The following ANXA8 variants were observed in gnomAD, a reference collection of about 807,000 sequenced individuals.
ANXA8 encodes VAC-beta.
A neutral mutation model predicts 26.8 loss-of-function variants in ANXA8; 9 were observed. The observed-to-expected ratio is 0.34, with a 90% CI of 0.20 to 0.59. The LOEUF (loss-of-function observed/expected upper bound fraction) is 0.59, where lower values mean the gene tolerates loss of function less well. Among genes scored for constraint, ANXA8 ranks in the 20% least tolerant of loss-of-function variants. ANXA8 has a pLI of 0.84. For missense variants in ANXA8, 83 were observed against 238.5 expected, an observed-to-expected ratio of 0.35 and a Z score of 4.29; for synonymous variants, 39 against 94.8, an observed-to-expected ratio of 0.41 and a Z score of 3.42.
the ANXA8 span, among the ~76,000 whole-genome samples, chr10:47,702,402 G>A: frequency 9.3e-5 from 14 of 150,050 alleles, 1 homozygote; most frequent in Admixed American, 4.0e-4. Context: ...GTGCAGTGGC[G>A]TGATCTTGGC....
the ANXA8 span, among the ~76,000 whole-genome samples, chr10:47,705,635 A>G: frequency 1.3e-5 from 2 of 150,530 alleles, no homozygotes; most frequent in East Asian, 2.0e-4. Context: ...TGAACTAATT[A>G]GATAATCTTT....
At chr10:47,723,190 G>A in the ANXA8 span, among the ~76,000 whole-genome samples, 2 of 72,344 alleles carry the variant, frequency 2.8e-5, no homozygotes. Flanking sequence ...ACCCTGTTTT[G>A]TTTTTCCTTC....
the ANXA8 span, among the ~76,000 whole-genome samples, chr10:47,526,424 G>A: frequency 2.9e-5 from 4 of 136,368 alleles, no homozygotes; most frequent in Non-Finnish European, 4.6e-5. Context: ...TTTTTTTGAT[G>A]TGGATTTTAA....
the ANXA8 span, among the ~76,000 whole-genome samples, chr10:47,686,835 A>C: frequency 1.3e-5 from 2 of 151,876 alleles, no homozygotes; most frequent in Non-Finnish European, 2.9e-5. Context: ...TTCCATAGTG[A>C]AAACTTTTAT....
At chr10:47,709,651 G>T in the ANXA8 span, among the ~76,000 whole-genome samples, 11 of 127,714 alleles carry the variant, frequency 8.6e-5, no homozygotes, top group African/African-American at 3.7e-4. Flanking sequence ...GCAGCACTGT[G>T]AATCTATAGT....
chr10:47,763,847 C>T, the ANXA8 span, among the ~76,000 whole-genome samples: 3 of 151,028 alleles, frequency 2.0e-5, no homozygotes, highest in Non-Finnish European at 4.4e-5. Flanking sequence ...TGGACCTTCT[C>T]GTTTTACAGC....
the ANXA8 span, among the ~76,000 whole-genome samples, chr10:47,707,826 G>T: frequency 1.5e-5 from 2 of 131,574 alleles, no homozygotes; most frequent in African/African-American, 5.1e-5. Context: ...TCTCAAAGAA[G>T]TTAAAACTGA....
At chr10:47,513,191 C>T in the ANXA8 span, among the ~76,000 whole-genome samples, 6 of 149,584 alleles carry the variant, frequency 4.0e-5, no homozygotes, top group Non-Finnish European at 3.0e-5. Flanking sequence ...AGCGCCACCA[C>T]GCCCGGCTAA....
chr10:47,523,535 TCTA>T, the ANXA8 span: 1 of 1,495,346 alleles, frequency 6.7e-7, no homozygotes, highest in African/African-American at 1.6e-5. Flanking sequence ...ATGGGGCGCC[TCTA>T]CTGTCTGCCA....
chr10:47,975,178 C>G, the ANXA8 span, among the ~76,000 whole-genome samples: 171 of 148,632 alleles, frequency 1.2e-3, 2 homozygotes, highest in African/African-American at 3.8e-3. Flanking sequence ...TAGAAAGTAT[C>G]TTTTGAATTC....
the ANXA8 span, among the ~76,000 whole-genome samples, chr10:47,645,140 ATAAT>A: frequency 6.6e-5 from 10 of 151,278 alleles, no homozygotes; most frequent in African/African-American, 2.4e-4. Context: ...ATAATGTCTA[ATAAT>A]TAACACTAGA....
chr10:47,942,053 G>A, the ANXA8 span, among the ~76,000 whole-genome samples: 21 of 147,732 alleles, frequency 1.4e-4, 3 homozygotes, highest in South Asian at 2.4e-3. Context: ...TTGCTAAGCC[G>A]CAGAGTAAGC....
At chr10:47,497,900 T>C in the ANXA8 span, among the ~76,000 whole-genome samples, 9 of 152,232 alleles carry the variant, frequency 5.9e-5, no homozygotes, top group African/African-American at 1.9e-4. Context: ...GACGGCGCCA[T>C]TGCACTCCAG....
chr10:47,605,005 C>G, the ANXA8 span, among the ~76,000 whole-genome samples: 1 of 151,248 alleles, frequency 6.6e-6, no homozygotes, highest in African/African-American at 2.5e-5. Flanking sequence ...TGCTTTATCA[C>G]GCATCCTAAA....
At chr10:47,779,417 T>C in the ANXA8 span, among the ~76,000 whole-genome samples, 1 of 34,632 alleles carries the variant, frequency 2.9e-5, no homozygotes, top group African/African-American at 1.3e-4. Context: ...ATGTTTTCAG[T>C]TTTGTTACCA....
the ANXA8 span, among the ~76,000 whole-genome samples, chr10:47,920,325 C>T: frequency 1.3e-5 from 1 of 77,354 alleles, no homozygotes; most frequent in Non-Finnish European, 2.5e-5. Flanking sequence ...CAACCTCCGC[C>T]TCCCAGGTTC....
the ANXA8 span, among the ~76,000 whole-genome samples, chr10:47,498,096 G>A: frequency 3.4e-5 from 5 of 148,998 alleles, no homozygotes; most frequent in East Asian, 2.3e-4. Context: ...ACCAATCTCT[G>A]GAACTTTTTC....
At chr10:47,956,848 A>G in the ANXA8 span, among the ~76,000 whole-genome samples, 3 of 149,966 alleles carry the variant, frequency 2.0e-5, no homozygotes, top group Admixed American at 2.0e-4. Context: ...AGGGAAGGAG[A>G]CGGCTCTGCT....
chr10:47,970,455 C>A, the ANXA8 span: 2 of 150,938 alleles, frequency 1.3e-5, no homozygotes, highest in African/African-American at 4.8e-5. Context: ...GAAGAGTCAC[C>A]TCCCCTACAT....
Sources: gnomAD v4.1 joint callset for allele counts (sites outside exome capture counted in the v4.1 genomes callset) on GRCh38, gnomAD v4.1.1 for gene constraint, MANE v1.5 for transcripts, NCBI Gene and HGNC (gene_info 2026-07-23, HGNC 2026-07-21) for gene names.